PRKDC: variants seen among roughly 807,000 people sequenced by gnomAD.
The protein encoded by PRKDC is DNA-dependent protein kinase catalytic subunit.
A neutral mutation model predicts 486.9 loss-of-function variants in PRKDC; 82 were observed. The observed-to-expected ratio is 0.17, with a 90% CI of 0.14 to 0.20. PRKDC has a LOEUF of 0.20. Ranked by LOEUF, PRKDC falls within the 10% of genes least tolerant of loss-of-function variation. The pLI, the probability that PRKDC is intolerant of heterozygous loss-of-function variation, is 1.00. For missense variants in PRKDC, 4,504 were observed against 5,038.2 expected, an observed-to-expected ratio of 0.89 and a Z score of 3.21; for synonymous variants, 1,895 against 1,837.0, an observed-to-expected ratio of 1.03 and a Z score of -0.81.
Position 47,864,579 on chromosome 8 carries a change from C to A in PRKDC, c.5548G>T (p.Val1850Leu), listed in dbSNP as rs1409232569. 1 of 1,609,332 alleles carries A rather than the reference C, an allele frequency of 6.2e-7. No homozygotes were observed. The highest frequency in any genetic ancestry group is 8.5e-7 in the Non-Finnish European group (1 of 1,178,338). Residue 1850 changes from valine to leucine, a missense_variant, in exon 41 of 86, where the codon GTG (valine) becomes TTG (leucine). Val to Leu is a conservative substitution (Grantham distance 32, BLOSUM62 1). Transcript: ENST00000314191. The part of the protein sequence containing the change: ...FSTIVVDAID[V>L]LKSRFTKLNE... ...ACCTTTGTAAACCTGGACTTCAACA[C>A]ATCAATGGCATCCACCACAATTGTG...
In PRKDC at chr8:47,939,666, A is replaced by G. The variant is rs1220157662; in HGVS notation, c.998T>C (p.Met333Thr). 1.9e-6 allele frequency: 3 copies of G among 1,604,892 alleles called. No homozygotes were observed. The highest frequency in any genetic ancestry group is 2.7e-5 in the African/African-American group (2 of 74,568). Reference sequence around the variant, plus strand: ...AAAGTACTGCAGTTTATTTTTATGCATTTCTGCATTTTTCGCCACCATATT... The same window carrying G: ...AAAGTACTGCAGTTTATTTTTATGCGTTTCTGCATTTTTCGCCACCATATT... ...VSNMVAKNAE[M>T]HKNKLQYFME... The change falls in exon 11 of 86, where the codon ATG (methionine) becomes ACG (threonine). Residue 333 changes from methionine (M) to threonine (T), a missense_variant. By Grantham distance (81) the Met-to-Thr change is moderately conservative. Transcript: ENST00000314191.
chr8:47,793,683 TA>T (rs397892514), intron 74 of PRKDC, among the ~76,000 whole-genome samples: 1,256 of 72,798 alleles, frequency 0.017, 4 homozygotes, highest in Admixed American at 0.038. Context: ...TTAAAAAAAC[TA>T]AAAAAAAAAA....
intron 73 of PRKDC, among the ~76,000 whole-genome samples, chr8:47,797,696 G>A (rs2087010318): frequency 6.6e-6 from 1 of 152,234 alleles, no homozygotes; most frequent in South Asian, 2.1e-4. Flanking sequence ...GGACAGGAGT[G>A]CAGCTGGCAG....
intron 7 of PRKDC, among the ~76,000 whole-genome samples, chr8:47,946,711 CCT>C (rs932020887): frequency 5.3e-5 from 8 of 152,174 alleles, no homozygotes; most frequent in African/African-American, 1.4e-4. Context: ...TGCAAGATCC[CCT>C]GTTACACGCA....
chr8:47,854,830 C>G (rs910058132), intron 50 of PRKDC, among the ~76,000 whole-genome samples: 2 of 152,178 alleles, frequency 1.3e-5, no homozygotes, highest in African/African-American at 4.8e-5. Flanking sequence ...GCAATTTTAT[C>G]GCCCTCGTAT....
intron 27 of PRKDC, 109 bp downstream of exon 27, chr8:47,902,460 A>G (rs748801285): frequency 1.1e-5 from 8 of 756,090 alleles, no homozygotes; most frequent in African/African-American, 5.4e-5. Flanking sequence ...CATCCAGCAC[A>G]TAATTACTTA....
At chr8:47,777,922 C>G in intron 83 of PRKDC, 48 bp from the exon 84 acceptor site, 1 of 1,552,098 alleles carries the variant, frequency 6.4e-7, no homozygotes, top group Non-Finnish European at 8.8e-7. Context: ...CCAGAACTCT[C>G]AAAGTACCGA....
intron 20 of PRKDC, 51 bp downstream of exon 20, chr8:47,927,720 T>C: frequency 6.9e-7 from 1 of 1,449,106 alleles, no homozygotes; most frequent in East Asian, 2.5e-5. Context: ...CTATGTGCTC[T>C]GGGACTCACA....
At chr8:47,813,586 T>C (rs2087379282) in intron 68 of PRKDC, among the ~76,000 whole-genome samples, 1 of 152,036 alleles carries the variant, frequency 6.6e-6, no homozygotes, top group African/African-American at 2.4e-5. Context: ...TTTTTTTTTT[T>C]CCTTTGGAGA....
At chr8:47,917,067 G>A (rs1197843162) in intron 22 of PRKDC, among the ~76,000 whole-genome samples, 1 of 152,042 alleles carries the variant, frequency 6.6e-6, no homozygotes, top group African/African-American at 2.4e-5. Context: ...ACCAGCCTGG[G>A]CAACAATGCA....
chr8:47,923,923 G>A (rs538324265), intron 21 of PRKDC, among the ~76,000 whole-genome samples: 102 of 152,084 alleles, frequency 6.7e-4, no homozygotes, highest in Non-Finnish European at 9.3e-4. Flanking sequence ...ACAAATCTAC[G>A]AAATAATCAA....
chr8:47,880,431 C>CT (rs2089189259), intron 38 of PRKDC, among the ~76,000 whole-genome samples: 1 of 152,146 alleles, frequency 6.6e-6, no homozygotes, highest in Admixed American at 6.6e-5. Flanking sequence ...AATTCCAAGA[C>CT]TGTCTATGGA....
intron 68 of PRKDC, among the ~76,000 whole-genome samples, chr8:47,816,238 A>G (rs954225981): frequency 6.6e-6 from 1 of 152,138 alleles, no homozygotes; most frequent in Non-Finnish European, 1.5e-5. Flanking sequence ...AGTAAAAGGC[A>G]GATGGACACT....
chr8:47,931,581 T>A (rs2090254658), intron 16 of PRKDC, among the ~76,000 whole-genome samples: 2 of 151,996 alleles, frequency 1.3e-5, no homozygotes, highest in South Asian at 2.1e-4. Flanking sequence ...CTACCTATCA[T>A]CCCGCATGAA....
Position 47,886,098 on chromosome 8 carries a change from G to T in PRKDC, c.4622C>A (p.Ala1541Glu). The change falls in exon 36 of 86, where the codon GCG (alanine) becomes GAG (glutamate). Residue 1541 changes from alanine (A) to glutamate (E), a missense_variant. This residue lies in a region of PRKDC where 1,969 missense variants were observed against 2,068.9 expected (regional missense o/e 0.95). Coordinates refer to ENST00000314191, the MANE Select transcript of PRKDC (RefSeq NM_006904.7). ...LLLNPAVLST[A>E]SLGSSQGSVI... ...GCTGCCCTGTGAGCTGCCCAAGGACGCCGTGGACAGCACCGCTGGGTTCAG... is the reference window on the plus strand; with the variant it reads ...GCTGCCCTGTGAGCTGCCCAAGGACTCCGTGGACAGCACCGCTGGGTTCAG... The T allele has an allele frequency of 6.2e-7, 1 of 1,613,436 alleles. No individual in the cohort carries two copies. Among genetic ancestry groups the T allele is most frequent in the Non-Finnish European group, 8.5e-7 (1 of 1,179,842 alleles).
At chr8:47,943,406 A>C (rs181456059) in intron 9 of PRKDC, 40 bp from the exon 10 acceptor site, 1 of 1,552,926 alleles carries the variant, frequency 6.4e-7, no homozygotes, top group South Asian at 1.2e-5. Flanking sequence ...ATCAGACGAC[A>C]TAACACAGAA....
intron 21 of PRKDC, among the ~76,000 whole-genome samples, chr8:47,920,101 A>C (rs528935366): frequency 6.6e-6 from 1 of 152,322 alleles, no homozygotes; most frequent in African/African-American, 2.4e-5. Flanking sequence ...CATTTTAGTT[A>C]ATCTATAATC....
At chr8:47,955,823 T>G in intron 4 of PRKDC, 51 bp downstream of exon 4, 1 of 1,418,904 alleles carries the variant, frequency 7.0e-7, no homozygotes, top group South Asian at 1.3e-5. Context: ...TGATTTTCTT[T>G]TAAAAGTTAC....
At chr8:47,862,628 G>A (rs2088702573) in intron 42 of PRKDC, 87 bp from the exon 43 acceptor site, 1 of 1,300,000 alleles carries the variant, frequency 7.7e-7, no homozygotes, top group South Asian at 1.6e-5. Flanking sequence ...AGGACCTAAT[G>A]CCATTCAGCC....
Sources: gnomAD v4.1 joint callset for allele counts (sites outside exome capture counted in the v4.1 genomes callset) on GRCh38, gnomAD v4.1.1 for gene constraint, gnomAD v4.1.1 regional missense constraint, MANE v1.5 for transcripts, NCBI Gene and HGNC (gene_info 2026-07-23, HGNC 2026-07-21) for gene names.